Variants in ELF5 observed in about 807,000 individuals in gnomAD.
The protein encoded by ELF5 is E74 like ETS transcription factor 5, also known as ETS-related transcription factor Elf-5.
In ELF5, 31 loss-of-function variants were observed where a neutral mutation model predicts 38.2. The ratio of observed to expected loss-of-function variants is 0.81; its 90% CI spans 0.61 to 1.10. The LOEUF (loss-of-function observed/expected upper bound fraction) is 1.10, where lower values mean the gene tolerates loss of function less well. ELF5 is among the 50% of genes least tolerant of loss of function. The pLI is 0.00. For missense variants in ELF5, 300 were observed against 306.6 expected (o/e 0.98, Z 0.16); for synonymous variants, 121 against 112.5 (o/e 1.08, Z -0.48).
rs2133867230 is a variant in ELF5 at position 34,480,334 on chromosome 11, AG to A, written c.672-21del. ...TAGTATCTGAAAAAGCAAGCAGAAG[AG>A]AAATTCTGGGAGAGCTTGCACCCTA... On this transcript the variant is annotated intron_variant, in intron 6 of 6. Transcript: ENST00000257832. 3 of 1,594,918 alleles carry A rather than the reference AG, an allele frequency of 1.9e-6. No homozygotes were observed. In the East Asian group the frequency reaches 6.7e-5, roughly 36 times the overall value.
At chr11:34,507,779 G>A (rs938039444) in intron 1 of ELF5, among the ~76,000 whole-genome samples, 4 of 152,094 alleles carry the variant, frequency 2.6e-5, no homozygotes, top group African/African-American at 7.2e-5. Context: ...TTCTTTCCTC[G>A]TTTTGCAAAG....
intron 4 of ELF5, among the ~76,000 whole-genome samples, chr11:34,484,361 G>T (rs752124728): frequency 1.7e-4 from 26 of 150,746 alleles, no homozygotes; most frequent in Non-Finnish European, 2.5e-4. Context: ...ATATGAACTA[G>T]ACTGCACTAA....
intron 4 of ELF5, 58 bp downstream of exon 4, chr11:34,489,951 C>G: frequency 6.3e-7 from 1 of 1,581,578 alleles, no homozygotes; most frequent in South Asian, 1.1e-5. Flanking sequence ...AATGGTCAAG[C>G]CCATGTACCA....
intron 2 of ELF5, among the ~76,000 whole-genome samples, chr11:34,495,733 G>A (rs1413875074): frequency 1.3e-5 from 2 of 152,216 alleles, no homozygotes; most frequent in African/African-American, 2.4e-5. Context: ...CCAGGGAGCC[G>A]GTGAGACCGA....
intron 6 of ELF5, among the ~76,000 whole-genome samples, chr11:34,480,568 T>A (rs769628996): frequency 6.6e-6 from 1 of 152,168 alleles, no homozygotes; most frequent in Non-Finnish European, 1.5e-5. Context: ...TTCAGAGTGA[T>A]CCCTGGGGAA....
chr11:34,496,702 G>A (rs1850330150), intron 2 of ELF5, among the ~76,000 whole-genome samples: 2 of 152,228 alleles, frequency 1.3e-5, no homozygotes, highest in Non-Finnish European at 2.9e-5. Flanking sequence ...TGAACCAGGA[G>A]TGCTTGGAGC....
rs1590317522 is a variant in ELF5 at position 34,480,685 on chromosome 11, A to C, written c.671+87T>G. On this transcript the variant is annotated intron_variant, in intron 6 of 6. Coordinates refer to ENST00000257832, the MANE Select transcript of ELF5 (RefSeq NM_001422.4). ...TGACCTTTCCATTATCAAGTAAAAA[A>C]CCTGCAAAAACAGTGTAATTTTCTA... The C allele has an allele frequency of 1.2e-5, 18 of 1,455,790 alleles. No individual in the cohort carries two copies. In the East Asian group the frequency reaches 4.1e-4, roughly 33 times the overall value. The allele number at this position is 1,455,790 out of a possible 1,614,324, so 90.2% of individuals were successfully genotyped here.
chr11:34,488,788 C>T (rs1447283985), intron 4 of ELF5, among the ~76,000 whole-genome samples: 1 of 152,240 alleles, frequency 6.6e-6, no homozygotes, highest in Non-Finnish European at 1.5e-5. Context: ...TAGGTCACTA[C>T]TACTTAGAGA....
At chr11:34,512,208 T>C (rs931001842) in intron 1 of ELF5, among the ~76,000 whole-genome samples, 3 of 152,190 alleles carry the variant, frequency 2.0e-5, no homozygotes, top group African/African-American at 7.2e-5. Flanking sequence ...GGTTGGGTGC[T>C]TGAGGGTTTG....
chr11:34,511,395 G>A lies in ELF5; in HGVS notation c.-5+2282C>T, dbSNP rs1850752165. ...TCTGGACCCTCACTCACTGCCCACC[G>A]ATAGATCCGTGGAAGCTGGAATCAG... On this transcript the variant is annotated intron_variant, in intron 1 of 6. Transcript: ENST00000257832. 6 of 1,095,338 alleles carry A rather than the reference G, an allele frequency of 5.5e-6. No homozygotes were observed. In the Admixed American group the frequency reaches 6.2e-5, roughly 11 times the overall value. The allele number at this position is 1,095,338 out of a possible 1,614,324, so 67.9% of individuals were successfully genotyped here.
intron 1 of ELF5, chr11:34,511,430 A>G: frequency 1.4e-6 from 2 of 1,414,322 alleles, no homozygotes; most frequent in Non-Finnish European, 2.0e-6. Context: ...GTTTCCCCCA[A>G]ATGTAGTCAT....
intron 4 of ELF5, among the ~76,000 whole-genome samples, chr11:34,483,986 A>G (rs888246042): frequency 1.3e-5 from 2 of 151,614 alleles, no homozygotes; most frequent in Admixed American, 6.6e-5. Context: ...GTACCACACT[A>G]TACTGTACTA....
intron 2 of ELF5, among the ~76,000 whole-genome samples, chr11:34,496,686 T>C (rs553435614): frequency 3.3e-4 from 51 of 152,268 alleles, no homozygotes; most frequent in African/African-American, 1.2e-3. Flanking sequence ...GAGCTTTTGC[T>C]CGCCCTGAAC....
At chr11:34,491,620 GGCT>G (rs1024192669) in intron 3 of ELF5, 1 of 149,372 alleles carries the variant, frequency 6.7e-6, no homozygotes, top group Non-Finnish European at 1.5e-5. Context: ...TTTTTGCCCA[GGCT>G]GGAGTGCAAT....
intron 3 of ELF5, among the ~76,000 whole-genome samples, chr11:34,490,888 G>T (rs1850154164): frequency 6.6e-6 from 1 of 152,150 alleles, no homozygotes; most frequent in Non-Finnish European, 1.5e-5. Context: ...GGCCGACTGA[G>T]AACAGGATGG....
intron 1 of ELF5, chr11:34,511,562 G>T (rs749856752): frequency 6.2e-7 from 1 of 1,614,250 alleles, no homozygotes; most frequent in South Asian, 1.1e-5. Context: ...GTGAGGCAGA[G>T]ATGGCATGGA....
Position 34,493,502 on chromosome 11 carries a change from A to T in ELF5, c.332T>A (p.Ile111Asn), listed in dbSNP as rs767102738. Residue 111 changes from isoleucine (I) to asparagine (N), a missense_variant, in exon 3 of 7, where the codon ATC becomes AAC. By Grantham distance (149) the Ile-to-Asn change is moderately radical. Transcript: ENST00000257832. ...AGLCGEYLYF[I>N]LQNIRTQGYS... is the part of the protein sequence containing the mutation. ...ACCTTGTGTGCGGATGTTCTGGAGG[A>T]TGAAGTACAGGTACTCGCCGCAGAG... 6.2e-7 allele frequency: 1 copy of T among 1,613,810 alleles called. No homozygotes were observed. The highest frequency in any genetic ancestry group is 8.5e-7 in the Non-Finnish European group (1 of 1,179,938).
rs1194028099 is a variant in ELF5 at position 34,493,416 on chromosome 11, C to T, written c.355+63G>A. ...CAATTCACACGATGGGAAAGGACTTCTCAAAGTTGTTTGGTCCTAATCCTG... is the reference window on the plus strand; with the variant it reads ...CAATTCACACGATGGGAAAGGACTTTTCAAAGTTGTTTGGTCCTAATCCTG... On this transcript the variant is annotated intron_variant, in intron 3 of 6. Transcript: ENST00000257832. 2.0e-6 allele frequency: 3 copies of T among 1,499,662 alleles called. No individual in the cohort carries two copies. In the South Asian group the frequency reaches 3.5e-5, roughly 18 times the overall value. 92.9% of individuals were successfully genotyped at this position (1,499,662 alleles called of 1,614,324 possible).
chr11:34,480,884 C>T lies in ELF5; in HGVS notation c.559G>A (p.Asp187Asn), dbSNP rs767275877. ...EENCGILEWE[D>N]REQGIFRVVK... ...ACCCGAAAAATTCCTTGTTCCCTAT[C>T]TTCCCATTCCAGAATGCCACAGTTT... is the stretch of plus-strand genomic sequence containing the variant. The change falls in exon 6 of 7, where the codon GAT becomes AAT. Residue 187 changes from aspartate (D) to asparagine (N), a missense_variant. Physicochemically the swap from Asp to Asn is conservative, Grantham distance 23. Coordinates refer to ENST00000257832, the MANE Select transcript of ELF5 (RefSeq NM_001422.4). 10 of 1,614,004 alleles carry T rather than the reference C, an allele frequency of 6.2e-6. No individual in the cohort carries two copies. In the East Asian group the frequency reaches 2.2e-4, roughly 36 times the overall value.
Sources: gnomAD v4.1 joint callset for allele counts (sites outside exome capture counted in the v4.1 genomes callset) on GRCh38, gnomAD v4.1.1 for gene constraint, MANE v1.5 for transcripts, NCBI Gene and HGNC (gene_info 2026-07-23, HGNC 2026-07-21) for gene names.